FREM1: variants seen among roughly 807,000 people sequenced by gnomAD.
FREM1 encodes the protein FRAS1-related extracellular matrix protein 1.
FREM1 carries 220 observed loss-of-function variants against 210.1 expected under a neutral mutation model. The ratio of observed to expected loss-of-function variants is 1.05; its 90% confidence interval spans 0.94 to 1.17. The LOEUF is 1.17. Ranked by LOEUF, FREM1 falls within the 50% of genes most tolerant of loss-of-function variation. The pLI is 0.00. For missense variants in FREM1, 3,454 were observed against 2,675.5 expected, an observed-to-expected ratio of 1.29 and a Z score of -6.42; for synonymous variants, 1,189 against 980.2, an observed-to-expected ratio of 1.21 and a Z score of -3.98.
intron 23 of FREM1, among the ~76,000 whole-genome samples, chr9:14,785,678 G>C (rs1050008162): frequency 1.2e-4 from 11 of 90,186 alleles, no homozygotes; most frequent in Admixed American, 1.2e-3. Flanking sequence ...AGTGAAATAA[G>C]CCAGTCATGA....
intron 1 of FREM1, among the ~76,000 whole-genome samples, chr9:14,871,521 ATTTG>A (rs1333494839): frequency 6.6e-6 from 1 of 151,950 alleles, no homozygotes; most frequent in Non-Finnish European, 1.5e-5. Flanking sequence ...TTTCTTGTAA[ATTTG>A]TTTGAGTTCA....
chr9:14,885,101 T>C (rs1835562480), intron 1 of FREM1, among the ~76,000 whole-genome samples: 2 of 150,616 alleles, frequency 1.3e-5, no homozygotes, highest in South Asian at 2.1e-4. Context: ...ATTTTTTGTA[T>C]TTTTACTAGA....
chr9:14,794,226 G>A (rs1355004655), intron 21 of FREM1, among the ~76,000 whole-genome samples: 1 of 152,170 alleles, frequency 6.6e-6, no homozygotes, highest in African/African-American at 2.4e-5. Flanking sequence ...GAGGGAGTAG[G>A]AGAGAAAGGG....
In FREM1 at chr9:14,853,692, T is replaced by C. The variant is rs189142506; in HGVS notation, c.829-2085A>G. Among the ~76,000 whole-genome samples, 4 of 152,170 alleles carry C rather than the reference T, an allele frequency of 2.6e-5. No individual in the cohort carries two copies. The East Asian group carries it at 5.8e-4, about 22-fold the overall frequency. On this transcript the variant is annotated intron_variant, in intron 5 of 36. Coordinates refer to ENST00000380880, the MANE Select transcript of FREM1 (RefSeq NM_001379081.2). ...AGAAAAGAGAATTGCAAGAGAGGAA[T>C]AGAGGAGAAGACAATCAACCCCTTC...
chr9:14,769,295 G>A lies in FREM1; in HGVS notation c.5204+429C>T, dbSNP rs145966222. The stretch of plus-strand genomic sequence containing the variant: ...TTCATAAGAGAAAGAGAAGATGTTT[G>A]GCTAACTCTTCTTGACTACCTCATT... On this transcript the variant is annotated intron_variant, in intron 27 of 36. Transcript: ENST00000380880. Among the ~76,000 whole-genome samples the A allele has an allele frequency of 1.5e-3, 231 of 152,214 alleles. 1 individual carries two copies. The highest frequency in any genetic ancestry group is 5.4e-3 in the African/African-American group (224 of 41,534).
intron 1 of FREM1, among the ~76,000 whole-genome samples, chr9:14,886,700 A>T (rs1835876873): frequency 6.6e-6 from 1 of 152,088 alleles, no homozygotes; most frequent in Non-Finnish European, 1.5e-5. Flanking sequence ...GGTCAAGACC[A>T]GCCTGGGCAA....
At chr9:14,883,447 C>T (rs1835184132) in intron 1 of FREM1, among the ~76,000 whole-genome samples, 1 of 152,110 alleles carries the variant, frequency 6.6e-6, no homozygotes, top group South Asian at 2.1e-4. Context: ...TGTTGGGAAA[C>T]ACCAAGTATG....
intron 21 of FREM1, among the ~76,000 whole-genome samples, chr9:14,794,815 T>C (rs1050030775): frequency 6.6e-6 from 1 of 151,794 alleles, no homozygotes. Flanking sequence ...CTGGCCAACA[T>C]GGTGAAACCC....
chr9:14,802,245 C>T (rs72711372), intron 19 of FREM1, among the ~76,000 whole-genome samples: 2,943 of 152,302 alleles, frequency 0.019, 44 homozygotes, highest in Non-Finnish European at 0.03. Flanking sequence ...AATCTAGAAC[C>T]TTCACCTTCA....
intron 2 of FREM1, among the ~76,000 whole-genome samples, chr9:14,867,252 T>C (rs369090877): frequency 3.9e-5 from 6 of 152,214 alleles, no homozygotes; most frequent in African/African-American, 9.7e-5. Flanking sequence ...ATGTAGCACA[T>C]TGGGGTTCTA....
At chr9:14,796,334 T>A in intron 21 of FREM1, among the ~76,000 whole-genome samples, 1 of 151,780 alleles carries the variant, frequency 6.6e-6, no homozygotes. Flanking sequence ...ATCAAGGAGG[T>A]TCCAAGAACC....
chr9:14,803,437 GC>G (rs1817736413), intron 19 of FREM1, among the ~76,000 whole-genome samples: 1 of 149,056 alleles, frequency 6.7e-6, no homozygotes, highest in Admixed American at 6.8e-5. Context: ...ATGGCTCACT[GC>G]ACACTCACCC....
At chr9:14,825,547 G>GTGTGTGTGTGTGTGTATA in intron 10 of FREM1, among the ~76,000 whole-genome samples, 1 of 75,932 alleles carries the variant, frequency 1.3e-5, no homozygotes, top group Non-Finnish European at 2.5e-5. Context: ...GTGTGTGTGT[G>GTGTGTGTGTGTGTGTATA]TATATATATA....
chr9:14,816,839 T>C lies in FREM1; in HGVS notation c.2579A>G (p.Asp860Gly), dbSNP rs967367549. 2.1e-6 allele frequency: 3 copies of C among 1,438,724 alleles called. No individual in the cohort carries two copies. The highest frequency in any genetic ancestry group is 2.8e-6 in the Non-Finnish European group (3 of 1,065,298). 89.1% of individuals were successfully genotyped at this position (1,438,724 alleles called of 1,614,324 possible). Residue 860 changes from aspartate to glycine, a missense_variant, in exon 15 of 37, where the codon GAT becomes GGT. Coordinates refer to ENST00000380880, the MANE Select transcript of FREM1 (RefSeq NM_001379081.2). Reference protein sequence around the residue: ...YQHDGTEVLQDDLLLEVTDGT... With the variant: ...YQHDGTEVLQGDLLLEVTDGT... ...ATCGGTGACCTCCAAGAGTAGGTCATCCTGAAGAACTTCAGTTCCATCATG... is the reference window on the plus strand; with the variant it reads ...ATCGGTGACCTCCAAGAGTAGGTCACCCTGAAGAACTTCAGTTCCATCATG...
At chr9:14,755,188 T>C (rs905637204) in intron 29 of FREM1, among the ~76,000 whole-genome samples, 2 of 152,224 alleles carry the variant, frequency 1.3e-5, no homozygotes, top group South Asian at 2.1e-4. Flanking sequence ...TACCCACTGT[T>C]TGATGCTGTG....
At position 14,805,146 on chromosome 9, in the gene FREM1, A is replaced by T; in HGVS notation, c.3281T>A (p.Phe1094Tyr). 1 of 1,563,498 alleles carries T rather than the reference A, an allele frequency of 6.4e-7. No homozygotes were observed. Among genetic ancestry groups the T allele is most frequent in the Non-Finnish European group, 8.7e-7 (1 of 1,153,672 alleles). The change falls in exon 19 of 37, where the codon TTT (phenylalanine) becomes TAT (tyrosine). Residue 1094 changes from phenylalanine (F) to tyrosine (Y), a missense_variant. Physicochemically the swap from Phe to Tyr is conservative, Grantham distance 22. Coordinates refer to ENST00000380880, the MANE Select transcript of FREM1 (RefSeq NM_001379081.2). ...KSNIGISIDSFQWKDMNAFHI... is the reference protein window; with the variant it reads ...KSNIGISIDSYQWKDMNAFHI... ...AAAAGCGTTCATGTCTTTCCACTGAAATGAATCTAGAGCACACCAAGATGG... is the reference window on the plus strand; with the variant it reads ...AAAAGCGTTCATGTCTTTCCACTGATATGAATCTAGAGCACACCAAGATGG...
rs779732209 is a variant in FREM1, at chr9:14,789,048, A to G, written c.4048T>C (p.Leu1350=). 6.2e-6 allele frequency: 10 copies of G among 1,609,644 alleles called. No individual in the cohort carries two copies. The African/African-American group carries it at 9.4e-5, about 15-fold the overall frequency. The change falls in exon 23 of 37, where the codon TTG becomes CTG. Residue 1350 remains leucine, a synonymous_variant. Transcript: ENST00000380880. ...GCCCCGGTGTGTGTGTATCTCAGCAAGTTCAGATCCACTTCCTCCTGAGTG... is the reference window on the plus strand; with the variant it reads ...GCCCCGGTGTGTGTGTATCTCAGCAGGTTCAGATCCACTTCCTCCTGAGTG... ...KCTQEEVDLN[L]LRYTHTGAMD...
chr9:14,800,973 G>C (rs1038780600), intron 20 of FREM1, among the ~76,000 whole-genome samples: 1 of 152,046 alleles, frequency 6.6e-6, no homozygotes, highest in Non-Finnish European at 1.5e-5. Flanking sequence ...TATACATTGT[G>C]AAATGGGTTT....
At chr9:14,801,020 T>G (rs756373700) in intron 20 of FREM1, among the ~76,000 whole-genome samples, 1 of 152,188 alleles carries the variant, frequency 6.6e-6, no homozygotes, top group Non-Finnish European at 1.5e-5. Context: ...TGACAGAGTC[T>G]CACTCTGTCG....
Sources: allele counts gnomAD v4.1 joint callset (sites outside exome capture counted in the v4.1 genomes callset), GRCh38; gene constraint gnomAD v4.1.1; transcripts MANE v1.5; gene names NCBI Gene and HGNC (gene_info 2026-07-23, HGNC 2026-07-21).